SLCO3A1: variants seen among roughly 807,000 people sequenced by gnomAD.
The protein encoded by SLCO3A1 is PGE1 transporter.
In SLCO3A1, 27 loss-of-function variants were observed where a neutral mutation model predicts 63.1. The ratio of observed to expected loss-of-function variants is 0.43; its 90% CI spans 0.32 to 0.59. The LOEUF is 0.59. Among genes scored for constraint, SLCO3A1 ranks in the 20% least tolerant of loss-of-function variants. The pLI is 0.09. For synonymous variants in SLCO3A1, 473 were observed against 409.9 expected (o/e 1.15, Z -1.86); for missense variants, 773 against 945.8 (o/e 0.82, Z 2.40).
At chr15:92,121,429 T>C (rs1451556439) in intron 5 of SLCO3A1, among the ~76,000 whole-genome samples, 1 of 152,146 alleles carries the variant, frequency 6.6e-6, no homozygotes, top group African/African-American at 2.4e-5. Context: ...CTTGGAGAGC[T>C]TGTGGTACCA....
At position 92,049,400 on chromosome 15, in the gene SLCO3A1, C is replaced by T. The variant is rs150269889; in HGVS notation, c.647-45481C>T. Among the ~76,000 whole-genome samples the T allele has an allele frequency of 1.9e-4, 29 of 152,256 alleles. No homozygotes were observed. In the East Asian group the frequency reaches 4.4e-3, roughly 23 times the overall value. On this transcript the variant is annotated intron_variant, in intron 2 of 9. Coordinates refer to ENST00000318445, the MANE Select transcript of SLCO3A1 (RefSeq NM_013272.4). Reference sequence around the variant, plus strand: ...TGTGTGTTCAGGGTGGGTTTGGTGACGGAAGGAAGTGACTGGTTTCTCCAG... The same window carrying T: ...TGTGTGTTCAGGGTGGGTTTGGTGATGGAAGGAAGTGACTGGTTTCTCCAG...
rs752212274 is a variant in SLCO3A1, at chr15:91,950,560, T to G, written c.646+34102T>G. Among the ~76,000 whole-genome samples, 8 of 152,252 alleles carry G rather than the reference T, an allele frequency of 5.3e-5. No homozygotes were observed. The highest frequency in any genetic ancestry group is 8.8e-5 in the Non-Finnish European group (6 of 68,044). On this transcript the variant is annotated intron_variant, in intron 2 of 9. Coordinates refer to ENST00000318445, the MANE Select transcript of SLCO3A1 (RefSeq NM_013272.4). The surrounding 1 kb of genome is among the most constrained non-coding windows in gnomAD (Gnocchi z 4.4). Reference sequence around the variant, plus strand: ...TGTTTTTTTGCTGCAGGCTCCATAATGTCATCCGGTCTTTCTAGCCTCCTA... The same window carrying G: ...TGTTTTTTTGCTGCAGGCTCCATAAGGTCATCCGGTCTTTCTAGCCTCCTA...
intron 2 of SLCO3A1, among the ~76,000 whole-genome samples, chr15:91,971,088 C>T (rs1318726995): frequency 6.6e-6 from 1 of 152,046 alleles, no homozygotes; most frequent in Non-Finnish European, 1.5e-5. Context: ...TGCCTGTTCC[C>T]AGCTGAGGTC....
rs908649 is a variant in SLCO3A1, at chr15:92,058,852, G to C, written c.647-36029G>C. Reference sequence around the variant, plus strand: ...TTGCTGGCAATGCGAGGTGTTATTTGGCTTAGAGACACGTCCCTTCAATCT... The same window carrying C: ...TTGCTGGCAATGCGAGGTGTTATTTCGCTTAGAGACACGTCCCTTCAATCT... On this transcript the variant is annotated intron_variant, in intron 2 of 9. Coordinates refer to ENST00000318445, the MANE Select transcript of SLCO3A1 (RefSeq NM_013272.4). Among the ~76,000 whole-genome samples the C allele has an allele frequency of 2.2e-3, 334 of 152,258 alleles. 1 individual carries two copies. Among genetic ancestry groups the C allele is most frequent in the African/African-American group, 7.0e-3 (290 of 41,554 alleles).
chr15:92,128,030 A>G (rs977259137), intron 6 of SLCO3A1, among the ~76,000 whole-genome samples: 1 of 152,160 alleles, frequency 6.6e-6, no homozygotes, highest in Non-Finnish European at 1.5e-5. Context: ...GGGCACATCA[A>G]TACCAGTGAT....
At chr15:92,034,434 G>C (rs866048410) in intron 2 of SLCO3A1, among the ~76,000 whole-genome samples, 1 of 151,520 alleles carries the variant, frequency 6.6e-6, no homozygotes, top group Non-Finnish European at 1.5e-5. Flanking sequence ...GAAGTCGGGG[G>C]AATGTGAGTT....
chr15:91,875,662 T>G lies in SLCO3A1; in HGVS notation c.180+21574T>G, dbSNP rs1049045756. Among the ~76,000 whole-genome samples, 8 of 152,192 alleles carry G rather than the reference T, an allele frequency of 5.3e-5. No individual in the cohort carries two copies. The highest frequency in any genetic ancestry group is 1.2e-4 in the Non-Finnish European group (8 of 68,028). On this transcript the variant is annotated intron_variant, in intron 1 of 9. Coordinates refer to ENST00000318445, the MANE Select transcript of SLCO3A1 (RefSeq NM_013272.4). The surrounding 1 kb of genome is among the most constrained non-coding windows in gnomAD (Gnocchi z 4.5). ...ACAGTTGCTCAGTCCGTGTTTTGCT[T>G]TGAAGGTTTTGCCGTAACTCACAAT... is the stretch of plus-strand genomic sequence containing the variant.
chr15:92,125,806 A>G (rs2047914372), intron 5 of SLCO3A1, among the ~76,000 whole-genome samples: 1 of 151,612 alleles, frequency 6.6e-6, no homozygotes, highest in Non-Finnish European at 1.5e-5. Context: ...AGGGTGCCCC[A>G]CTTAGCAGGA....
At chr15:92,078,502 C>T (rs1458055234) in intron 2 of SLCO3A1, among the ~76,000 whole-genome samples, 1 of 152,216 alleles carries the variant, frequency 6.6e-6, no homozygotes, top group East Asian at 1.9e-4. Context: ...ATCTCCTACA[C>T]AGCCACACCA....
intron 2 of SLCO3A1, among the ~76,000 whole-genome samples, chr15:92,090,341 C>T (rs1423355014): frequency 6.6e-6 from 1 of 152,244 alleles, no homozygotes; most frequent in African/African-American, 2.4e-5. Context: ...TGCCTTACCC[C>T]TGTGAGTTCA....
At chr15:92,030,418 C>T (rs1348367330) in intron 2 of SLCO3A1, among the ~76,000 whole-genome samples, 1 of 152,114 alleles carries the variant, frequency 6.6e-6, no homozygotes, top group Non-Finnish European at 1.5e-5. Flanking sequence ...GGTGGGCTGG[C>T]ACAGGCCTGT....
At chr15:92,150,497 A>T (rs1206859653) in intron 8 of SLCO3A1, among the ~76,000 whole-genome samples, 5 of 152,174 alleles carry the variant, frequency 3.3e-5, no homozygotes, top group Admixed American at 6.5e-5. Flanking sequence ...AATCTGGTGG[A>T]TTTCACAAAA....
rs141781840 is a variant in SLCO3A1, at chr15:91,882,779, T to C, written c.180+28691T>C. Among the ~76,000 whole-genome samples, 684 of 152,246 alleles carry C rather than the reference T, an allele frequency of 4.5e-3. 4 individuals carry two copies. Among genetic ancestry groups the C allele is most frequent in the African/African-American group, 0.016 (658 of 41,536 alleles). On this transcript the variant is annotated intron_variant, in intron 1 of 9. Transcript: ENST00000318445. This position sits in a 1 kb window ranked among gnomAD's most constrained non-coding sequence, Gnocchi z 4.4. Reference sequence around the variant, plus strand: ...TCAGGTCATCTGCCCATCTCGGCCTTCCAAAGTGCTGAGATTACAGGTGTG... The same window carrying C: ...TCAGGTCATCTGCCCATCTCGGCCTCCCAAAGTGCTGAGATTACAGGTGTG...
intron 2 of SLCO3A1, among the ~76,000 whole-genome samples, chr15:92,056,126 G>A (rs1161177042): frequency 1.3e-5 from 2 of 151,834 alleles, no homozygotes; most frequent in African/African-American, 4.8e-5. Context: ...TAACACCTGG[G>A]GCTTGCAGGG....
rs373325146 is a variant in SLCO3A1 at position 92,064,557 on chromosome 15, A to G, written c.647-30324A>G. On this transcript the variant is annotated intron_variant, in intron 2 of 9. Transcript: ENST00000318445. ...AGTGTCTTCCCCAGTGTTTTCTTCT[A>G]GTAGTTTTATAGTTTCAAGTCTTAC... 3.1e-4 allele frequency among the ~76,000 whole-genome samples: 47 copies of G among 152,310 alleles called. No homozygotes were observed. In the South Asian group the frequency reaches 8.9e-3, roughly 29 times the overall value.
At chr15:92,096,461 C>T (rs1046165220) in intron 3 of SLCO3A1, among the ~76,000 whole-genome samples, 8 of 152,324 alleles carry the variant, frequency 5.3e-5, no homozygotes, top group African/African-American at 1.9e-4. Context: ...TCATTGCCTA[C>T]CATGTGCTGT....
At chr15:92,089,228 G>C (rs969820892) in intron 2 of SLCO3A1, among the ~76,000 whole-genome samples, 1 of 151,980 alleles carries the variant, frequency 6.6e-6, no homozygotes, top group Non-Finnish European at 1.5e-5. Flanking sequence ...GGGTTTCACC[G>C]TGTTAGCCAG....
At chr15:92,049,999 C>T (rs747028063) in intron 2 of SLCO3A1, among the ~76,000 whole-genome samples, 4 of 152,200 alleles carry the variant, frequency 2.6e-5, no homozygotes, top group Non-Finnish European at 5.9e-5. Flanking sequence ...ATGAATCCAG[C>T]AGGCCCCTAG....
intron 1 of SLCO3A1, among the ~76,000 whole-genome samples, chr15:91,873,569 CAT>C (rs1428511656): frequency 2.6e-5 from 4 of 151,056 alleles, no homozygotes; most frequent in South Asian, 2.1e-4. Flanking sequence ...CACACACATA[CAT>C]ACATACATAC....
Sources: gnomAD v4.1 joint callset for allele counts (sites outside exome capture counted in the v4.1 genomes callset) on GRCh38, gnomAD v4.1.1 for gene constraint, Gnocchi (gnomAD v3.1) non-coding constraint, MANE v1.5 for transcripts, NCBI Gene and HGNC (gene_info 2026-07-23, HGNC 2026-07-21) for gene names.